Variants in ITFG2 observed in about 807,000 individuals in gnomAD.
ITFG2 encodes the protein integrin alpha FG-GAP repeat containing 2.
ITFG2 carries 36 observed loss-of-function variants against 54.4 expected under a neutral mutation model. The observed-to-expected ratio is 0.66, with a 90% confidence interval of 0.51 to 0.87. The LOEUF is 0.87. Among genes scored for constraint, ITFG2 ranks in the 40% least tolerant of loss-of-function variants. ITFG2 has a pLI of 0.00. For synonymous variants in ITFG2, 211 were observed against 225.4 expected (o/e 0.94, Z 0.57); for missense variants, 524 against 576.7 (o/e 0.91, Z 0.94).
At chr12:2,842,392 A>G (rs1033230673) in intron 2 of ITFG2, among the ~76,000 whole-genome samples, 22 of 150,428 alleles carry the variant, frequency 1.5e-4, no homozygotes, top group African/African-American at 5.1e-4. Context: ...AAGTGCTGGG[A>G]TTACAGGCAT....
At chr12:2,855,222 G>T in intron 2 of ITFG2, 1 of 1,505,808 alleles carries the variant, frequency 6.6e-7, no homozygotes, top group Non-Finnish European at 8.9e-7. Context: ...GGCACACATC[G>T]AGCCACGTGT....
At position 2,845,991 on chromosome 12, in the gene ITFG2, T is replaced by C. The variant is rs1438766204; in HGVS notation, n.300+4996T>C. 6.6e-6 allele frequency among the ~76,000 whole-genome samples: 1 copy of C among 152,148 alleles called. No homozygotes were observed. The highest frequency in any genetic ancestry group is 2.1e-4 in the South Asian group (1 of 4,828). On this transcript the variant is annotated intron_variant and non_coding_transcript_variant, in intron 2 of 3. Transcript: ENST00000537710. This position sits in a 1 kb window ranked among gnomAD's most constrained non-coding sequence, Gnocchi z 4.2. The stretch of plus-strand genomic sequence containing the variant: ...AGCTGGGACTACAGGTGCACACCAC[T>C]GCACCTGCCTGGCTGGGGGTTGCCT...
At chr12:2,831,205 G>A (rs1417293341), downstream of ITFG2, among the ~76,000 whole-genome samples, 1 of 151,662 alleles carries the variant, frequency 6.6e-6, no homozygotes, top group Non-Finnish European at 1.5e-5. Context: ...TTAACTAGGA[G>A]GGTTTTTTTT....
At chr12:2,833,387 G>A (rs139440564), upstream of ITFG2, among the ~76,000 whole-genome samples, 25 of 152,170 alleles carry the variant, frequency 1.6e-4, no homozygotes, top group East Asian at 3.9e-3. Context: ...AAGTCTCAGT[G>A]CAATCCCTTT....
upstream of ITFG2, among the ~76,000 whole-genome samples, chr12:2,831,888 T>G (rs1453089674): frequency 6.6e-6 from 1 of 152,164 alleles, no homozygotes; most frequent in Non-Finnish European, 1.5e-5. Context: ...TATGCCACAG[T>G]ACCTGGCCTC....
intron 2 of ITFG2, among the ~76,000 whole-genome samples, chr12:2,852,732 C>T (rs1049962726): frequency 1.4e-4 from 21 of 151,582 alleles, no homozygotes; most frequent in Middle Eastern, 3.4e-3. Flanking sequence ...AGGCCGGGCA[C>T]GGTGGCTCAC....
chr12:2,828,783 G>C (rs1200262780), downstream of ITFG2, among the ~76,000 whole-genome samples: 1 of 152,086 alleles, frequency 6.6e-6, no homozygotes, highest in Non-Finnish European at 1.5e-5. Context: ...CGGAGGTTGT[G>C]GTGAGCCAAG....
chr12:2,817,363 T>A, intron 2 of ITFG2, 45 bp downstream of exon 2: 1 of 1,405,742 alleles, frequency 7.1e-7, no homozygotes, highest in Non-Finnish European at 1.0e-6. Flanking sequence ...AGGGATCCCT[T>A]CTGTCCAGGG....
chr12:2,855,178 C>T, intron 2 of ITFG2: 1 of 1,509,292 alleles, frequency 6.6e-7, no homozygotes, highest in Non-Finnish European at 8.8e-7. Context: ...ATCGTAGGGC[C>T]TGTCAGGCTG....
intron 3 of ITFG2, chr12:2,859,291 TTCTCCGAGACCGGCTCCTCTC>T: frequency 6.2e-7 from 1 of 1,613,514 alleles, no homozygotes; most frequent in Non-Finnish European, 8.5e-7. Flanking sequence ...AGATGCTGTT[TTCTCCGAGACCGGCTCCTCTC>T]CCTCCTCTCC....
chr12:2,859,384 ACTT>A (rs1215052705), intron 3 of ITFG2: 2 of 1,613,706 alleles, frequency 1.2e-6, no homozygotes, highest in South Asian at 1.1e-5. Context: ...CCACTGTAGG[ACTT>A]CTTGGGTCTT....
chr12:2,833,384 A>C (rs2098013004), upstream of ITFG2, among the ~76,000 whole-genome samples: 1 of 151,806 alleles, frequency 6.6e-6, no homozygotes, highest in African/African-American at 2.4e-5. Context: ...ATTAAGTCTC[A>C]GTGCAATCCC....
chr12:2,852,666 G>A (rs1050438886), intron 2 of ITFG2, among the ~76,000 whole-genome samples: 2 of 152,052 alleles, frequency 1.3e-5, no homozygotes, highest in African/African-American at 4.8e-5. Context: ...TACTCGGCTA[G>A]GCAAGATACT....
chr12:2,846,491 C>T lies in ITFG2; in HGVS notation n.300+5496C>T, dbSNP rs558136067. Among the ~76,000 whole-genome samples the T allele has an allele frequency of 1.2e-4, 19 of 152,196 alleles. No individual in the cohort carries two copies. The East Asian group carries it at 1.9e-3, about 16-fold the overall frequency. On this transcript the variant is annotated intron_variant and non_coding_transcript_variant, in intron 2 of 3. Transcript: ENST00000537710. ...CTCCAGCACACCCCTCCCGTCCTCT[C>T]GCCAGGAGGCTGCCTGGCTTTGTGG...
chr12:2,851,518 T>C (rs944919780), intron 2 of ITFG2, among the ~76,000 whole-genome samples: 3 of 152,016 alleles, frequency 2.0e-5, no homozygotes, highest in Admixed American at 1.3e-4. Flanking sequence ...AGTTTTTGTA[T>C]TTTTAGTGGA....
At chr12:2,833,029 G>T (rs1356552698), upstream of ITFG2, among the ~76,000 whole-genome samples, 1 of 151,908 alleles carries the variant, frequency 6.6e-6, no homozygotes, top group Admixed American at 6.6e-5. Context: ...CTGTTGTGCA[G>T]TTTGCTCCTC....
At chr12:2,857,150 CTGTCCCTGGAGCCTCT>C in intron 2 of ITFG2, 2 of 695,230 alleles carry the variant, frequency 2.9e-6, no homozygotes, top group Non-Finnish European at 5.3e-6. Context: ...AGGCCCTCAC[CTGTCCCTGGAGCCTCT>C]TGTGACCCTT....
intron 3 of ITFG2, chr12:2,858,740 G>A (rs769024368): frequency 6.2e-7 from 1 of 1,614,202 alleles, no homozygotes; most frequent in Non-Finnish European, 8.5e-7. Flanking sequence ...TCTTGCTGAG[G>A]CTGTCATTCA....
At chr12:2,854,828 C>A (rs2098082077) in intron 2 of ITFG2, 3 of 1,434,968 alleles carry the variant, frequency 2.1e-6, no homozygotes, top group East Asian at 2.5e-5. Context: ...GAAACAGGAA[C>A]CTGAGAGAGG....
Sources: gnomAD v4.1 joint callset for allele counts (sites outside exome capture counted in the v4.1 genomes callset) on GRCh38, gnomAD v4.1.1 for gene constraint, Gnocchi (gnomAD v3.1) non-coding constraint, MANE v1.5 for transcripts, NCBI Gene and HGNC (gene_info 2026-07-23, HGNC 2026-07-21) for gene names.